The following GALNT1 variants were observed in gnomAD, a reference collection of about 807,000 sequenced individuals.
GALNT1 encodes the protein GalNAc transferase 1.
Under a neutral mutation model 65.7 loss-of-function variants are expected in GALNT1, and 17 were observed. The observed-to-expected ratio is 0.26, with a 90% CI of 0.18 to 0.39. The LOEUF (loss-of-function observed/expected upper bound fraction) is 0.39, where lower values mean the gene tolerates loss of function less well. Ranked by LOEUF, GALNT1 falls within the 10% of genes least tolerant of loss-of-function variation. The probability of loss-of-function intolerance (pLI) is 1.00; values close to 1 mark genes in which losing one functional copy is unlikely to be tolerated. For synonymous variants in GALNT1, 210 were observed against 219.7 expected, an observed-to-expected ratio of 0.96 and a Z score of 0.39; for missense variants, 460 against 672.8, an observed-to-expected ratio of 0.68 and a Z score of 3.50.
intron 1 of GALNT1, among the ~76,000 whole-genome samples, chr18:35,626,005 TC>T (rs1423141690): frequency 2.6e-5 from 4 of 152,144 alleles, no homozygotes; most frequent in African/African-American, 9.7e-5. Context: ...TGTTTGCTGT[TC>T]CCCAGACATT....
intron 4 of GALNT1, among the ~76,000 whole-genome samples, chr18:35,682,398 TATG>T (rs898645335): frequency 1.2e-4 from 19 of 152,184 alleles, no homozygotes; most frequent in Non-Finnish European, 2.4e-4. Flanking sequence ...AATTAATAGA[TATG>T]AGGATAATCT....
intron 1 of GALNT1, among the ~76,000 whole-genome samples, chr18:35,621,505 G>A (rs1252623092): frequency 8.0e-6 from 1 of 124,668 alleles, no homozygotes; most frequent in Non-Finnish European, 1.7e-5. Context: ...TGTTTGTTTT[G>A]GTTTGTAGAA....
At chr18:35,640,938 T>C (rs1165000436) in intron 1 of GALNT1, among the ~76,000 whole-genome samples, 1 of 152,226 alleles carries the variant, frequency 6.6e-6, no homozygotes, top group Non-Finnish European at 1.5e-5. Context: ...TTATAATGAT[T>C]TCTAGATAGA....
At chr18:35,694,678 C>T (rs1305921140) in intron 9 of GALNT1, among the ~76,000 whole-genome samples, 4 of 152,184 alleles carry the variant, frequency 2.6e-5, no homozygotes, top group Admixed American at 2.0e-4. Flanking sequence ...AGAAGCACTC[C>T]ACGTGTCCGT....
At chr18:35,608,873 T>A (rs1284863725) in intron 1 of GALNT1, among the ~76,000 whole-genome samples, 1 of 152,236 alleles carries the variant, frequency 6.6e-6, no homozygotes, top group East Asian at 1.9e-4. Context: ...AACTAAGCAC[T>A]AGCCATCATA....
intron 2 of GALNT1, among the ~76,000 whole-genome samples, chr18:35,657,037 C>T (rs12959837): frequency 0.094 from 14,264 of 151,882 alleles, 750 homozygotes; most frequent in Admixed American, 0.17. Context: ...AGAGGAGCAG[C>T]TTTGATGAAA....
At chr18:35,629,839 T>C (rs1036200886) in intron 1 of GALNT1, among the ~76,000 whole-genome samples, 4 of 151,980 alleles carry the variant, frequency 2.6e-5, no homozygotes, top group African/African-American at 7.3e-5. Context: ...ACACATGGGC[T>C]CAAAATACAG....
At chr18:35,659,085 A>G (rs1303223834) in intron 2 of GALNT1, among the ~76,000 whole-genome samples, 1 of 152,166 alleles carries the variant, frequency 6.6e-6, no homozygotes, top group African/African-American at 2.4e-5. Context: ...ACAAAACAAC[A>G]AAAAGCATTG....
In GALNT1 at chr18:35,616,052, C is replaced by T. The variant is rs564244197; in HGVS notation, c.-104+34190C>T. 2.4e-4 allele frequency among the ~76,000 whole-genome samples: 36 copies of T among 152,260 alleles called. No individual in the cohort carries two copies. In the South Asian group the frequency reaches 7.0e-3, roughly 30 times the overall value. Reference sequence around the variant, plus strand: ...CCATAAAATTTTATTTACAAAAATACTAGTTTGCCACCCCTTGCTCTATGA... The same window carrying T: ...CCATAAAATTTTATTTACAAAAATATTAGTTTGCCACCCCTTGCTCTATGA... On this transcript the variant is annotated intron_variant, in intron 1 of 11. Coordinates refer to ENST00000269195, the MANE Select transcript of GALNT1 (RefSeq NM_020474.4).
chr18:35,638,917 A>G (rs1425134857), intron 1 of GALNT1, among the ~76,000 whole-genome samples: 1 of 152,242 alleles, frequency 6.6e-6, no homozygotes, highest in Non-Finnish European at 1.5e-5. Context: ...GCCTGAAGAT[A>G]TGGCTGAATT....
At chr18:35,599,772 T>C (rs1391395910) in intron 1 of GALNT1, among the ~76,000 whole-genome samples, 2 of 152,252 alleles carry the variant, frequency 1.3e-5, no homozygotes, top group Non-Finnish European at 2.9e-5. Flanking sequence ...GCTGGATTTA[T>C]TGAAGAGACT....
chr18:35,581,780 G>GCC lies in GALNT1; in HGVS notation c.-185_-184insCC, dbSNP rs2046319905. On this transcript the variant is annotated 5_prime_UTR_variant, in exon 1 of 12. Transcript: ENST00000269195. ...CGCGGCGGACGGCGGCCCGAGAGTA[G>GCC]CGCGCTGGCCGCGGGACCGGCCGCG... is the stretch of plus-strand genomic sequence containing the variant. 3 of 141,376 alleles carry GCC rather than the reference G, an allele frequency of 2.1e-5. No homozygotes were observed. In the South Asian group the frequency reaches 6.6e-4, roughly 31 times the overall value. The allele number at this position is 141,376 out of a possible 1,614,324, so 8.8% of individuals were successfully genotyped here. A position where few individuals can be genotyped will look rare whatever the true frequency, so the allele number is the denominator to read the frequency against.
chr18:35,624,791 C>T (rs1218005146), intron 1 of GALNT1, among the ~76,000 whole-genome samples: 1 of 152,182 alleles, frequency 6.6e-6, no homozygotes, highest in African/African-American at 2.4e-5. Flanking sequence ...TATCCCTAAA[C>T]ACAATGACCT....
intron 1 of GALNT1, among the ~76,000 whole-genome samples, chr18:35,600,293 T>C (rs2046565225): frequency 6.6e-6 from 1 of 152,162 alleles, no homozygotes; most frequent in Admixed American, 6.5e-5. Flanking sequence ...ATAGCTATTG[T>C]AGGATTGCTT....
intron 3 of GALNT1, 132 bp from the exon 4 acceptor site, chr18:35,677,459 A>T: frequency 1.9e-6 from 1 of 534,402 alleles, no homozygotes; most frequent in African/African-American, 1.9e-5. Context: ...ACCAAGACTT[A>T]AATGAAAAGG....
intron 1 of GALNT1, among the ~76,000 whole-genome samples, chr18:35,618,344 G>T (rs1375417796): frequency 6.6e-6 from 1 of 152,068 alleles, no homozygotes; most frequent in African/African-American, 2.4e-5. Flanking sequence ...TATGGTTAGG[G>T]TCTCAAGAAG....
chr18:35,601,916 G>A (rs188764360), intron 1 of GALNT1, among the ~76,000 whole-genome samples: 7 of 152,282 alleles, frequency 4.6e-5, no homozygotes, highest in Admixed American at 1.3e-4. Context: ...ATTACACATT[G>A]CAATTACAGT....
At chr18:35,630,551 G>C (rs924608795) in intron 1 of GALNT1, among the ~76,000 whole-genome samples, 2 of 152,176 alleles carry the variant, frequency 1.3e-5, no homozygotes, top group African/African-American at 4.8e-5. Flanking sequence ...CACATTTAAA[G>C]CAGTGTGTAG....
intron 1 of GALNT1, among the ~76,000 whole-genome samples, chr18:35,633,127 A>T (rs1381407298): frequency 6.6e-6 from 1 of 152,170 alleles, no homozygotes; most frequent in African/African-American, 2.4e-5. Flanking sequence ...ATTGTGGAAG[A>T]CAGTGTGGCA....
Sources: allele counts gnomAD v4.1 joint callset (sites outside exome capture counted in the v4.1 genomes callset), GRCh38; gene constraint gnomAD v4.1.1; transcripts MANE v1.5; gene names NCBI Gene and HGNC (gene_info 2026-07-23, HGNC 2026-07-21).